CCDC198: variants seen among roughly 807,000 people sequenced by gnomAD.
The protein encoded by CCDC198 is coiled-coil domain containing 198, also known as factor associated with metabolism and energy.
In CCDC198, 18 loss-of-function variants were observed where a neutral mutation model predicts 35.6. The observed-to-expected ratio is 0.51, with a 90% CI of 0.35 to 0.75. The LOEUF (loss-of-function observed/expected upper bound fraction) is 0.75. Ranked by LOEUF, CCDC198 falls within the 30% of genes least tolerant of loss-of-function variation. The pLI is 0.01. For missense variants in CCDC198, 365 were observed against 343.7 expected (o/e 1.06, Z -0.49); for synonymous variants, 119 against 113.4 (o/e 1.05, Z -0.31).
chr14:57,488,152 T>C (rs1185105677), intron 2 of CCDC198, among the ~76,000 whole-genome samples: 2 of 152,156 alleles, frequency 1.3e-5, no homozygotes, highest in Non-Finnish European at 2.9e-5. Context: ...CCATATTTCA[T>C]TGTGTACCTG....
intron 3 of CCDC198, among the ~76,000 whole-genome samples, chr14:57,482,618 A>T (rs939304259): frequency 7.2e-5 from 11 of 152,208 alleles, no homozygotes; most frequent in African/African-American, 2.7e-4. Flanking sequence ...GACATTTCCC[A>T]GGATTAATTT....
At chr14:57,477,195 A>G (rs1424814539) in intron 5 of CCDC198, among the ~76,000 whole-genome samples, 1 of 152,244 alleles carries the variant, frequency 6.6e-6, no homozygotes, top group African/African-American at 2.4e-5. Context: ...TTATTATCCC[A>G]GTATCCTATA....
intron 5 of CCDC198, chr14:57,475,524 T>A: frequency 1.2e-6 from 1 of 826,480 alleles, no homozygotes; most frequent in Non-Finnish European, 1.7e-6. Context: ...TTGGCCAACA[T>A]GGTGAAACCT....
At chr14:57,479,931 C>T (rs1010812666) in intron 5 of CCDC198, among the ~76,000 whole-genome samples, 1 of 152,102 alleles carries the variant, frequency 6.6e-6, no homozygotes, top group Non-Finnish European at 1.5e-5. Flanking sequence ...GTAGCTGGAG[C>T]CCTGGTGTAA....
Position 57,483,095 on chromosome 14 carries a change from C to A in CCDC198, c.363G>T (p.Gln121His), listed in dbSNP as rs150566449. 1.3e-4 allele frequency: 210 copies of A among 1,613,990 alleles called. No homozygotes were observed. Among genetic ancestry groups the A allele is most frequent in the Non-Finnish European group, 2.5e-5 (30 of 1,179,994 alleles). The change falls in exon 3 of 6, where the codon CAG becomes CAT. Residue 121 changes from glutamine (Q) to histidine (H), a missense_variant. Coordinates refer to ENST00000216445, the MANE Select transcript of CCDC198 (RefSeq NM_018168.4). ...CTTTGTGCATTGTCCTGGCTTCTCG[C>A]TGGCTCAGGAGTCTTCCTGAAGTAA... ...RVITSGRLLS[Q>H]REARTMHKAK...
chr14:57,481,572 C>A lies in CCDC198; in HGVS notation c.482G>T (p.Arg161Leu). 6.2e-7 allele frequency: 1 copy of A among 1,609,590 alleles called. No homozygotes were observed. Among genetic ancestry groups the A allele is most frequent in the Non-Finnish European group, 8.5e-7 (1 of 1,177,004 alleles). Reference sequence around the variant, plus strand: ...TCTCGTATTTACCTCTTGTCTTTTACGGATCATTTCCAGCACTTGCATCTT... The same window carrying A: ...TCTCGTATTTACCTCTTGTCTTTTAAGGATCATTTCCAGCACTTGCATCTT... ...LHKMQVLEMI[R>L]KRQEAQMELK... The change falls in exon 4 of 6, where the codon CGT becomes CTT. Residue 161 changes from arginine to leucine, a missense_variant. Arg to Leu is a moderately radical substitution (Grantham distance 102, BLOSUM62 -2). Coordinates refer to ENST00000216445, the MANE Select transcript of CCDC198 (RefSeq NM_018168.4).
In CCDC198 at chr14:57,477,417, G is replaced by C. The variant is rs1594786812; in HGVS notation, c.655+3178C>G. On this transcript the variant is annotated intron_variant, in intron 5 of 5. Transcript: ENST00000216445. The stretch of plus-strand genomic sequence containing the variant: ...TTATGATATCATTATAATAGGAAGA[G>C]TTAGAATTCCCTCTCTATTTCATGC... Among the ~76,000 whole-genome samples, 3 of 152,250 alleles carry C rather than the reference G, an allele frequency of 2.0e-5. No individual in the cohort carries two copies. In the East Asian group the frequency reaches 5.8e-4, roughly 29 times the overall value.
intron 5 of CCDC198, among the ~76,000 whole-genome samples, chr14:57,479,514 A>G (rs927603912): frequency 2.6e-5 from 4 of 152,226 alleles, no homozygotes; most frequent in Non-Finnish European, 4.4e-5. Flanking sequence ...CAGTGCTTCT[A>G]GAACTTCAGT....
At chr14:57,480,572 C>T (rs2067147310) in intron 5 of CCDC198, 23 bp downstream of exon 5, 1 of 1,607,718 alleles carries the variant, frequency 6.2e-7, no homozygotes, top group Admixed American at 1.7e-5. Context: ...AAATGTTTTA[C>T]TAAAAAATTG....
intron 2 of CCDC198, among the ~76,000 whole-genome samples, chr14:57,486,070 G>T (rs559095541): frequency 2.3e-4 from 35 of 152,196 alleles, no homozygotes; most frequent in African/African-American, 7.9e-4. Context: ...GGGGAGGGGA[G>T]GCCAAGGGAG....
intron 5 of CCDC198, chr14:57,475,620 T>A: frequency 5.1e-6 from 2 of 394,008 alleles, no homozygotes; most frequent in Non-Finnish European, 9.8e-6. Context: ...GGCAGGAGAA[T>A]CATTTGAACT....
intron 2 of CCDC198, among the ~76,000 whole-genome samples, chr14:57,486,065 G>A (rs1364231304): frequency 1.3e-5 from 2 of 152,072 alleles, no homozygotes; most frequent in Non-Finnish European, 2.9e-5. Flanking sequence ...AAGAAGGGGA[G>A]GGGAGGCCAA....
intron 5 of CCDC198, 96 bp downstream of exon 5, chr14:57,480,499 T>C: frequency 7.0e-7 from 1 of 1,420,626 alleles, no homozygotes; most frequent in Non-Finnish European, 9.7e-7. Flanking sequence ...TCAAAGCTGT[T>C]TGCTGTCTTC....
At chr14:57,474,802 G>C in intron 5 of CCDC198, among the ~76,000 whole-genome samples, 1 of 152,172 alleles carries the variant, frequency 6.6e-6, no homozygotes, top group East Asian at 1.9e-4. Flanking sequence ...TTAATTTAGG[G>C]AGAGAGGAAA....
In CCDC198 at chr14:57,472,569, T is replaced by C. The variant is rs189674851; in HGVS notation, c.656-979A>G. Among the ~76,000 whole-genome samples the C allele has an allele frequency of 9.2e-5, 14 of 152,342 alleles. No homozygotes were observed. In the East Asian group the frequency reaches 1.9e-3, roughly 21 times the overall value. On this transcript the variant is annotated intron_variant, in intron 5 of 5. Coordinates refer to ENST00000216445, the MANE Select transcript of CCDC198 (RefSeq NM_018168.4). ...GACATTCACATCAACTCTGGCTTCATAGCAGAATCACCTGTTGCAGCCTTT... is the reference window on the plus strand; with the variant it reads ...GACATTCACATCAACTCTGGCTTCACAGCAGAATCACCTGTTGCAGCCTTT...
chr14:57,477,439 A>G (rs747531548), intron 5 of CCDC198, among the ~76,000 whole-genome samples: 1 of 152,140 alleles, frequency 6.6e-6, no homozygotes, highest in Non-Finnish European at 1.5e-5. Context: ...TCTCTATTTC[A>G]TGCTAGCAAA....
At chr14:57,493,278 C>G (rs1160006957) in intron 1 of CCDC198, among the ~76,000 whole-genome samples, 1 of 152,054 alleles carries the variant, frequency 6.6e-6, no homozygotes, top group Non-Finnish European at 1.5e-5. Context: ...GTGAAAAGTC[C>G]TTTGTACAGT....
At chr14:57,489,515 C>T (rs1239612872) in intron 2 of CCDC198, among the ~76,000 whole-genome samples, 1 of 152,046 alleles carries the variant, frequency 6.6e-6, no homozygotes, top group Non-Finnish European at 1.5e-5. Context: ...GCACCTGTAC[C>T]CCTGAACTTA....
At chr14:57,486,973 AC>A (rs1342895270) in intron 2 of CCDC198, among the ~76,000 whole-genome samples, 5 of 152,194 alleles carry the variant, frequency 3.3e-5, no homozygotes, top group African/African-American at 1.2e-4. Context: ...CTAACATTGC[AC>A]CTGGGATCTC....
Sources: gnomAD v4.1 joint callset for allele counts (sites outside exome capture counted in the v4.1 genomes callset) on GRCh38, gnomAD v4.1.1 for gene constraint, MANE v1.5 for transcripts, NCBI Gene and HGNC (gene_info 2026-07-23, HGNC 2026-07-21) for gene names.